Variants in DBT observed in about 807,000 individuals in gnomAD.
DBT encodes dihydrolipoamide branched chain transacylase E2.
In DBT, 40 loss-of-function variants were observed where a neutral mutation model predicts 51.3. The observed-to-expected ratio is 0.78, with a 90% CI of 0.61 to 1.02. DBT has a LOEUF of 1.02. Ranked by LOEUF, DBT falls within the 50% of genes least tolerant of loss-of-function variation. The probability of loss-of-function intolerance (pLI) is 0.00; values close to 1 mark genes in which losing one functional copy is unlikely to be tolerated. For missense variants in DBT, 510 were observed against 580.2 expected (o/e 0.88, Z 1.24); for synonymous variants, 181 against 190.4 (o/e 0.95, Z 0.41).
At position 100,206,502 on chromosome 1, in the gene DBT, A is replaced by G. The variant is rs2100780004; in HGVS notation, c.1152T>C (p.Ser384=). The part of the protein sequence containing the change: ...LNRLQKLGSV[S]QLSTTDLTGG... ...CTGTAAGATCAGTGGTGCTGAGCTG[A>G]CTCACAGAGCCCAATTTCTGGAGGC... Residue 384 remains serine, a synonymous_variant, in exon 9 of 11, where the codon AGT becomes AGC. Transcript: ENST00000370132. 1 of 1,613,782 alleles carries G rather than the reference A, an allele frequency of 6.2e-7. No individual in the cohort carries two copies. The highest frequency in any genetic ancestry group is 8.5e-7 in the Non-Finnish European group (1 of 1,179,658).
intron 4 of DBT, among the ~76,000 whole-genome samples, chr1:100,230,465 CT>C (rs992820085): frequency 6.6e-6 from 1 of 152,240 alleles, no homozygotes; most frequent in Non-Finnish European, 1.5e-5. Context: ...CATCCTCCAT[CT>C]TTTTTGCAAC....
chr1:100,218,723 G>C lies in DBT; in HGVS notation c.458C>G (p.Thr153Ser). The change falls in exon 5 of 11, where the codon ACT (threonine) becomes AGT (serine). Residue 153 changes from threonine to serine, a missense_variant. Thr to Ser is a moderately conservative substitution (Grantham distance 58). Transcript: ENST00000370132. ...LKDSEEDVVE[T>S]PAVSHDEHTH... ...ATGTTCATCATGAGACACTGCAGGA[G>C]TTTCAACAACATCTTCTTCTGAATC... 1 of 1,613,672 alleles carries C rather than the reference G, an allele frequency of 6.2e-7. No homozygotes were observed. Among genetic ancestry groups the C allele is most frequent in the Non-Finnish European group, 8.5e-7 (1 of 1,179,812 alleles).
At chr1:100,220,376 T>G (rs1406644408) in intron 4 of DBT, among the ~76,000 whole-genome samples, 1 of 152,236 alleles carries the variant, frequency 6.6e-6, no homozygotes, top group Non-Finnish European at 1.5e-5. Flanking sequence ...AATTAAAGAC[T>G]GACAGAACTT....
At chr1:100,238,662 A>C (rs1414593458) in intron 2 of DBT, among the ~76,000 whole-genome samples, 2 of 151,952 alleles carry the variant, frequency 1.3e-5, no homozygotes, top group East Asian at 1.9e-4. Flanking sequence ...TGCTCAGCTG[A>C]CTTTTTAAAA....
chr1:100,234,777 C>A (rs1304522856), intron 3 of DBT, among the ~76,000 whole-genome samples: 1 of 152,132 alleles, frequency 6.6e-6, no homozygotes, highest in African/African-American at 2.4e-5. Flanking sequence ...TATTACAGTT[C>A]TCTTCTAACT....
At position 100,225,052 on chromosome 1, in the gene DBT, TACACACACACACAC is replaced by T. The variant is rs71084808; in HGVS notation, c.433+5667_433+5680del. Among the ~76,000 whole-genome samples the T allele has an allele frequency of 1.8e-4, 14 of 79,054 alleles. 1 individual carries two copies. Among genetic ancestry groups the T allele is most frequent in the African/African-American group, 4.0e-4 (8 of 19,932 alleles). 51.9% of individuals were successfully genotyped at this position (79,054 alleles called of 152,430 possible). ...AAAAAAAAAAAAAAAAATATATATA[TACACACACACACAC>T]ACACACACACACACACACACACACA... On this transcript the variant is annotated intron_variant, in intron 4 of 10. Coordinates refer to ENST00000370132, the MANE Select transcript of DBT (RefSeq NM_001918.5).
chr1:100,194,134 TACA>T lies in DBT; in HGVS notation c.*2118_*2120del, dbSNP rs1478325798. Reference sequence around the variant, plus strand: ...TAACTCTTTGTATTATCTGAAATTTTACAACAACAGCATTTATTTGACCTGTTT... The same window carrying T: ...TAACTCTTTGTATTATCTGAAATTTTACAACAGCATTTATTTGACCTGTTT... On this transcript the variant is annotated 3_prime_UTR_variant, in exon 11 of 11. Transcript: ENST00000370132. 6.6e-6 allele frequency: 1 copy of T among 152,208 alleles called. No individual in the cohort carries two copies. Among genetic ancestry groups the T allele is most frequent in the Non-Finnish European group, 1.5e-5 (1 of 68,030 alleles). 9.4% of individuals were successfully genotyped at this position (152,208 alleles called of 1,614,324 possible). A position where few individuals can be genotyped will look rare whatever the true frequency, so the allele number is the denominator to read the frequency against.
At chr1:100,207,341 A>G (rs540807559) in intron 8 of DBT, among the ~76,000 whole-genome samples, 1 of 152,270 alleles carries the variant, frequency 6.6e-6, no homozygotes, top group Non-Finnish European at 1.5e-5. Context: ...TAAAGATTTT[A>G]TTTTCAATTT....
intron 1 of DBT, chr1:100,249,113 A>C (rs1307721435): frequency 3.0e-6 from 3 of 987,864 alleles, no homozygotes; most frequent in Non-Finnish European, 3.6e-6. Flanking sequence ...AGGCAGGAAG[A>C]AGAAACACTA....
intron 6 of DBT, among the ~76,000 whole-genome samples, chr1:100,215,547 G>A (rs758086418): frequency 6.6e-6 from 1 of 152,172 alleles, no homozygotes; most frequent in South Asian, 2.1e-4. Context: ...ATGGCCAGGC[G>A]CAGTGGCTCA....
At chr1:100,211,041 AG>A in intron 7 of DBT, 3 of 773,354 alleles carry the variant, frequency 3.9e-6, no homozygotes, top group Non-Finnish European at 4.8e-6. Context: ...GATACAGACC[AG>A]CCAAAGTTCC....
chr1:100,240,448 G>A (rs776957024), intron 2 of DBT, among the ~76,000 whole-genome samples: 1 of 152,120 alleles, frequency 6.6e-6, no homozygotes, highest in Non-Finnish European at 1.5e-5. Context: ...AGGATCACTT[G>A]AGCCCAGGAG....
chr1:100,230,637 AAAAAC>A, intron 4 of DBT, 91 bp downstream of exon 4: 1 of 791,350 alleles, frequency 1.3e-6, no homozygotes, highest in Non-Finnish European at 2.0e-6. Flanking sequence ...TAGAAAAAAA[AAAAAC>A]AAAAAAACAA....
At chr1:100,239,138 G>T (rs1184512692) in intron 2 of DBT, among the ~76,000 whole-genome samples, 1 of 152,164 alleles carries the variant, frequency 6.6e-6, no homozygotes, top group African/African-American at 2.4e-5. Flanking sequence ...TGGAACACAG[G>T]TGATCAATAA....
intron 7 of DBT, among the ~76,000 whole-genome samples, chr1:100,211,702 A>C (rs1284717244): frequency 6.6e-6 from 1 of 152,210 alleles, no homozygotes; most frequent in African/African-American, 2.4e-5. Flanking sequence ...AGGTTAAGAG[A>C]GTAGATCAAC....
intron 10 of DBT, among the ~76,000 whole-genome samples, chr1:100,200,658 T>G (rs1323934653): frequency 6.6e-6 from 1 of 152,052 alleles, no homozygotes; most frequent in African/African-American, 2.4e-5. Flanking sequence ...ACAGGAGAGC[T>G]CTCGCTGGCA....
Position 100,235,422 on chromosome 1 carries a change from T to C in DBT, c.251+14A>G. The C allele has an allele frequency of 7.4e-7, 1 of 1,358,998 alleles. No homozygotes were observed. The highest frequency in any genetic ancestry group is 1.0e-6 in the Non-Finnish European group (1 of 953,846). 84.2% of individuals were successfully genotyped at this position (1,358,998 alleles called of 1,614,324 possible). A position where few individuals can be genotyped will look rare whatever the true frequency, so the allele number is the denominator to read the frequency against. On this transcript the variant is annotated intron_variant, in intron 3 of 10. Transcript: ENST00000370132. ...TTTTAAATTTACTTAAGAGCTTTTT[T>C]CAGATTCACTTACCATTCTTTAACA...
intron 7 of DBT, chr1:100,213,220 C>T (rs1390991567): frequency 3.5e-6 from 3 of 860,246 alleles, no homozygotes; most frequent in African/African-American, 1.8e-5. Flanking sequence ...CCGCGTCTGC[C>T]TCAGAGGGGC....
intron 4 of DBT, among the ~76,000 whole-genome samples, chr1:100,224,388 T>G (rs547564962): frequency 1.4e-4 from 21 of 152,298 alleles, no homozygotes; most frequent in African/African-American, 5.1e-4. Context: ...CATATATAAA[T>G]TTCTCTCATT....
Sources: gnomAD v4.1 joint callset for allele counts (sites outside exome capture counted in the v4.1 genomes callset) on GRCh38, gnomAD v4.1.1 for gene constraint, MANE v1.5 for transcripts, NCBI Gene and HGNC (gene_info 2026-07-23, HGNC 2026-07-21) for gene names.